The following ARHGAP20 variants were observed in gnomAD, a reference collection of about 807,000 sequenced individuals.
ARHGAP20 encodes the protein rho GTPase-activating protein 20.
A neutral mutation model predicts 73.7 loss-of-function variants in ARHGAP20; 34 were observed. The ratio of observed to expected loss-of-function variants is 0.46; its 90% CI spans 0.35 to 0.61. The LOEUF is 0.61. Ranked by LOEUF, ARHGAP20 falls within the 20% of genes least tolerant of loss-of-function variation. The pLI, the probability that ARHGAP20 is intolerant of heterozygous loss-of-function variation, is 0.00. For synonymous variants in ARHGAP20, 523 were observed against 518.2 expected (o/e 1.01, Z -0.13); for missense variants, 1,314 against 1,420.9 (o/e 0.92, Z 1.21).
chr11:110,599,686 T>G (rs1009844914), intron 9 of ARHGAP20, among the ~76,000 whole-genome samples: 5 of 152,158 alleles, frequency 3.3e-5, no homozygotes, highest in Non-Finnish European at 7.4e-5. Flanking sequence ...ATAAGCCAGC[T>G]CTTCCTCCCC....
At chr11:110,617,681 T>C (rs1213917501) in intron 4 of ARHGAP20, among the ~76,000 whole-genome samples, 4 of 152,250 alleles carry the variant, frequency 2.6e-5, no homozygotes, top group African/African-American at 9.6e-5. Flanking sequence ...TCTTCTTGTA[T>C]ATTTCCCTTT....
chr11:110,584,748 C>CTGGTGGAGAG (rs1245047786), intron 12 of ARHGAP20, among the ~76,000 whole-genome samples: 2 of 151,846 alleles, frequency 1.3e-5, no homozygotes, highest in Non-Finnish European at 2.9e-5. Flanking sequence ...TGTGAAAATT[C>CTGGTGGAGAG]TGGTGGAGAG....
At chr11:110,604,260 A>T (rs1357848301) in intron 9 of ARHGAP20, among the ~76,000 whole-genome samples, 1 of 152,128 alleles carries the variant, frequency 6.6e-6, no homozygotes, top group Admixed American at 6.5e-5. Context: ...GTTCACCTGT[A>T]ATTTTTTACA....
At position 110,624,274 on chromosome 11, in the gene ARHGAP20, A is replaced by G; in HGVS notation, c.391T>C (p.Leu131=). 6.3e-7 allele frequency: 1 copy of G among 1,598,036 alleles called. No homozygotes were observed. Among genetic ancestry groups the G allele is most frequent in the East Asian group, 2.3e-5 (1 of 44,374 alleles). ...NNFKIKNKIK[L]TDMWTASCVD... ...CAGCTTGCTGTCCACATATCAGTTA[A>G]TTTAATTTTATTTTTTATCTTAAAG... Residue 131 remains leucine (L), a synonymous_variant, in exon 4 of 15, where the codon TTA becomes CTA. Transcript: ENST00000683387.
At chr11:110,624,423 A>G in intron 3 of ARHGAP20, 112 bp from the exon 4 acceptor site, 1 of 794,910 alleles carries the variant, frequency 1.3e-6, no homozygotes, top group Non-Finnish European at 1.9e-6. Context: ...CAGAAAACCA[A>G]ATACTGCATG....
At chr11:110,689,961 C>CAAA in intron 2 of ARHGAP20, among the ~76,000 whole-genome samples, 1 of 131,930 alleles carries the variant, frequency 7.6e-6, no homozygotes, top group South Asian at 2.4e-4. Context: ...TCCTGCTCTG[C>CAAA]AAAAAAAAAA....
intron 1 of ARHGAP20, among the ~76,000 whole-genome samples, chr11:110,698,199 T>C (rs539248011): frequency 1.3e-5 from 2 of 152,022 alleles, no homozygotes; most frequent in East Asian, 3.9e-4. Context: ...TGTTTTTAGT[T>C]CTGTGTATGT....
At chr11:110,660,065 A>ACAAAAAAAAAAC (rs1565463974) in intron 2 of ARHGAP20, among the ~76,000 whole-genome samples, 16 of 95,584 alleles carry the variant, frequency 1.7e-4, no homozygotes, top group African/African-American at 7.8e-4. Context: ...AAAAAACAAA[A>ACAAAAAAAAAAC]AAAAAAAAAA....
At chr11:110,652,630 T>C (rs1265449079) in intron 2 of ARHGAP20, among the ~76,000 whole-genome samples, 2 of 152,020 alleles carry the variant, frequency 1.3e-5, no homozygotes, top group East Asian at 1.9e-4. Flanking sequence ...TGAACTTCCA[T>C]TCACAATCGC....
At chr11:110,669,244 C>T (rs1949782294) in intron 2 of ARHGAP20, among the ~76,000 whole-genome samples, 1 of 151,974 alleles carries the variant, frequency 6.6e-6, no homozygotes, top group East Asian at 1.9e-4. Context: ...AACTGTGCTG[C>T]CAGTAGAATT....
At position 110,609,031 on chromosome 11, in the gene ARHGAP20, T is replaced by A; in HGVS notation, c.728A>T (p.Gln243Leu). 6.2e-7 allele frequency: 1 copy of A among 1,613,610 alleles called. No individual in the cohort carries two copies. The highest frequency in any genetic ancestry group is 2.2e-5 in the East Asian group (1 of 44,862). ...TTCTTTGCCAGAATTGACCCACAAC[T>A]GGTAATCTCTCTCAGAGCCCTTAGA... ...LGITGSERDY[Q>L]LWVNSGKEEA... Residue 243 changes from glutamine to leucine, a missense_variant, in exon 8 of 15, where the codon CAG (glutamine) becomes CTG (leucine). Around this residue, in one of 3 missense-constraint regions of ARHGAP20, gnomAD observed 443 missense variants for 466.4 expected, o/e 0.95. Transcript: ENST00000683387.
intron 1 of ARHGAP20, among the ~76,000 whole-genome samples, chr11:110,708,019 G>T (rs755061547): frequency 8.6e-5 from 13 of 151,396 alleles, no homozygotes; most frequent in Admixed American, 3.3e-4. Flanking sequence ...AAGAACTTCC[G>T]TTCTTTTGAA....
At chr11:110,711,735 C>A in intron 1 of ARHGAP20, 1 of 1,388,706 alleles carries the variant, frequency 7.2e-7, no homozygotes, top group South Asian at 1.6e-5. Context: ...AAAGGGCAGT[C>A]AGTGCTCGCC....
Position 110,577,441 on chromosome 11 carries a change from T to C in ARHGAP20, c.*1929A>G. The C allele has an allele frequency of 3.7e-6, 4 of 1,086,416 alleles. No homozygotes were observed. Among genetic ancestry groups the C allele is most frequent in the Non-Finnish European group, 4.5e-6 (4 of 896,660 alleles). 67.3% of individuals were successfully genotyped at this position (1,086,416 alleles called of 1,614,324 possible). A position where few individuals can be genotyped will look rare whatever the true frequency, so the allele number is the denominator to read the frequency against. On this transcript the variant is annotated 3_prime_UTR_variant, in exon 15 of 15. Coordinates refer to ENST00000683387, the MANE Select transcript of ARHGAP20 (RefSeq NM_001384657.1). The stretch of plus-strand genomic sequence containing the variant: ...CAACTATTTTCTTCTATGCTTCAAA[T>C]TGGGTGAATGATTTTTTACCTGCTA...
rs908491550 is a variant in ARHGAP20 at position 110,578,872 on chromosome 11, A to AT, written c.*497dup. 7.1e-6 allele frequency: 7 copies of AT among 985,798 alleles called. No homozygotes were observed. In the African/African-American group the frequency reaches 1.0e-4, roughly 15 times the overall value. The allele number at this position is 985,798 out of a possible 1,614,324, so 61.1% of individuals were successfully genotyped here. ...GCCACTGGCTTAGATTTAGGGAAAG[A>AT]TTTTATATGATGTTCTTCATTACTG... On this transcript the variant is annotated 3_prime_UTR_variant, in exon 15 of 15. Coordinates refer to ENST00000683387, the MANE Select transcript of ARHGAP20 (RefSeq NM_001384657.1).
chr11:110,625,474 A>G (rs770034040), intron 3 of ARHGAP20, among the ~76,000 whole-genome samples: 5 of 152,198 alleles, frequency 3.3e-5, no homozygotes, highest in Non-Finnish European at 5.9e-5. Flanking sequence ...AGCATAGGTT[A>G]TTTTAAATTT....
chr11:110,587,476 G>C (rs1470469958), intron 11 of ARHGAP20, among the ~76,000 whole-genome samples: 1 of 152,190 alleles, frequency 6.6e-6, no homozygotes, highest in African/African-American at 2.4e-5. Context: ...TAGATATCAT[G>C]TTTATAACAG....
chr11:110,711,699 G>A, intron 1 of ARHGAP20: 1 of 1,442,584 alleles, frequency 6.9e-7, no homozygotes, highest in Non-Finnish European at 9.1e-7. Flanking sequence ...GACATCGCCG[G>A]CCCTGACTTT....
chr11:110,582,106 C>T (rs10749964), intron 14 of ARHGAP20, among the ~76,000 whole-genome samples: 119,405 of 152,018 alleles, frequency 0.79, 47,742 homozygotes, highest in Middle Eastern at 0.9. Flanking sequence ...AACCTAATCT[C>T]TATATAGTTC....
Sources: gnomAD v4.1 joint callset for allele counts (sites outside exome capture counted in the v4.1 genomes callset) on GRCh38, gnomAD v4.1.1 for gene constraint, gnomAD v4.1.1 regional missense constraint, MANE v1.5 for transcripts, NCBI Gene and HGNC (gene_info 2026-07-23, HGNC 2026-07-21) for gene names.